The following DYSF variants were observed in gnomAD, a reference collection of about 807,000 sequenced individuals.
DYSF encodes dysferlin.
Under a neutral mutation model 274.9 loss-of-function variants are expected in DYSF, and 212 were observed. The observed-to-expected ratio is 0.77, with a 90% CI of 0.69 to 0.86. The LOEUF is 0.86. DYSF is among the 40% of genes least tolerant of loss of function. The pLI, the probability that DYSF is intolerant of heterozygous loss-of-function variation, is 0.00. For synonymous variants in DYSF, 1,091 were observed against 1,078.7 expected, an observed-to-expected ratio of 1.01 and a Z score of -0.22; for missense variants, 2,666 against 2,783.2, an observed-to-expected ratio of 0.96 and a Z score of 0.95.
At chr2:71,655,032 A>C (rs923859021) in intron 42 of DYSF, among the ~76,000 whole-genome samples, 2 of 152,210 alleles carry the variant, frequency 1.3e-5, no homozygotes, top group Admixed American at 6.5e-5. Context: ...TCAAGGCTGC[A>C]GTGAGCCATG....
intron 26 of DYSF, among the ~76,000 whole-genome samples, chr2:71,569,584 C>G (rs1253401877): frequency 6.6e-6 from 1 of 152,158 alleles, no homozygotes; most frequent in Non-Finnish European, 1.5e-5. Context: ...AGTTGGCCCC[C>G]TTTTCTCTTT....
At chr2:71,676,996 A>C (rs909347856) in intron 52 of DYSF, among the ~76,000 whole-genome samples, 2 of 152,006 alleles carry the variant, frequency 1.3e-5, no homozygotes, top group Non-Finnish European at 2.9e-5. Flanking sequence ...ACCATATTTC[A>C]AATAGAAAAT....
At chr2:71,672,010 G>A (rs1573117176) in intron 51 of DYSF, among the ~76,000 whole-genome samples, 1 of 152,154 alleles carries the variant, frequency 6.6e-6, no homozygotes, top group Admixed American at 6.5e-5. Flanking sequence ...GGAAGGAGAG[G>A]CTCACTGGGA....
In DYSF at chr2:71,513,652, CCAGGGGCAGGGG is replaced by C. The variant is rs780946190; in HGVS notation, c.554-52_554-41del. On this transcript the variant is annotated intron_variant, in intron 6 of 55. Transcript: ENST00000410020. ...GATCTTCTGCCCCCTGGGCTGGGTC[CCAGGGGCAGGGG>C]CAGGGGCAGGGCCAGAGGGATCCAG... 23 of 1,575,062 alleles carry C rather than the reference CCAGGGGCAGGGG, an allele frequency of 1.5e-5. No homozygotes were observed. The South Asian group carries it at 1.7e-4, about 11-fold the overall frequency.
intron 53 of DYSF, among the ~76,000 whole-genome samples, chr2:71,680,343 C>T (rs983447070): frequency 3.3e-5 from 5 of 152,056 alleles, no homozygotes; most frequent in African/African-American, 1.2e-4. Flanking sequence ...AAGACAGGCC[C>T]CCCTTTTACT....
chr2:71,620,110 C>G (rs1443559712), intron 40 of DYSF, among the ~76,000 whole-genome samples: 1 of 152,138 alleles, frequency 6.6e-6, no homozygotes. Flanking sequence ...GGGAACCATG[C>G]CCTGCAGTGT....
rs377704035 is a variant in DYSF at position 71,665,346 on chromosome 2, G to C, written c.5317+42G>C. 184 of 1,613,218 alleles carry C rather than the reference G, an allele frequency of 1.1e-4. 1 individual carries two copies. In the African/African-American group the frequency reaches 2.2e-3, roughly 19 times the overall value. ...CCCCAAACCATGGTGGGCTCTCGCT[G>C]TATCCCTCCCTCTCTCATCAGACCC... On this transcript the variant is annotated intron_variant, in intron 47 of 55. Coordinates refer to ENST00000410020, the MANE Select transcript of DYSF (RefSeq NM_001130987.2).
rs1012723902 is a variant in DYSF, at chr2:71,682,569, C to T, written c.6213C>T (p.Tyr2071=). The change falls in exon 55 of 56, where the codon TAC becomes TAT. Residue 2071 remains tyrosine, a synonymous_variant. Transcript: ENST00000410020. ...DTSFLWFTSP[Y]KTMKFILWRR... The stretch of plus-strand genomic sequence containing the variant: ...CCTTCCTGTGGTTTACCTCCCCATA[C>T]AAGACCATGAAGTTCATCCTGTGGC... 6 of 1,614,002 alleles carry T rather than the reference C, an allele frequency of 3.7e-6. No homozygotes were observed. In the African/African-American group the frequency reaches 5.3e-5, roughly 14 times the overall value.
intron 30 of DYSF, chr2:71,588,647 G>A (rs1454015487): frequency 6.6e-6 from 1 of 152,406 alleles, no homozygotes; most frequent in Non-Finnish European, 1.5e-5. Flanking sequence ...TTTGTGAGAT[G>A]TGGGACTGAA....
At chr2:71,565,649 TG>T (rs905910777) in intron 24 of DYSF, among the ~76,000 whole-genome samples, 1 of 152,228 alleles carries the variant, frequency 6.6e-6, no homozygotes, top group Non-Finnish European at 1.5e-5. Flanking sequence ...TGTTGTCCCC[TG>T]GGGGGTGTGG....
Position 71,553,082 on chromosome 2 carries a change from T to C in DYSF, c.1878T>C (p.Asp626=). 2 of 1,614,200 alleles carry C rather than the reference T, an allele frequency of 1.2e-6. No individual in the cohort carries two copies. The highest frequency in any genetic ancestry group is 1.7e-6 in the Non-Finnish European group (2 of 1,180,038). The stretch of plus-strand genomic sequence containing the variant: ...CAGCCACCATGCTGCAGGATGTGGA[T>C]GATGCCATCCAGTTTGAGGTCAGCA... ...FYSATMLQDV[D]DAIQFEVSIG... is the part of the protein sequence containing the mutation. The change falls in exon 20 of 56, where the codon GAT becomes GAC. Residue 626 remains aspartate, a synonymous_variant. Coordinates refer to ENST00000410020, the MANE Select transcript of DYSF (RefSeq NM_001130987.2).
chr2:71,667,167 T>G (rs944275736), intron 47 of DYSF, among the ~76,000 whole-genome samples: 1 of 152,120 alleles, frequency 6.6e-6, no homozygotes, highest in Non-Finnish European at 1.5e-5. Flanking sequence ...AATCTGGATT[T>G]TAAGCCTGGA....
At chr2:71,556,344 G>A (rs574291554) in intron 22 of DYSF, among the ~76,000 whole-genome samples, 1 of 152,312 alleles carries the variant, frequency 6.6e-6, no homozygotes, top group South Asian at 2.1e-4. Flanking sequence ...TCTGATCCCC[G>A]ACCTCTTATT....
rs146281264 is a variant in DYSF, at chr2:71,537,955, G to T, written c.1494-1202G>T. On this transcript the variant is annotated intron_variant, in intron 16 of 55. Coordinates refer to ENST00000410020, the MANE Select transcript of DYSF (RefSeq NM_001130987.2). The stretch of plus-strand genomic sequence containing the variant: ...CTCAGTGTCTGCATCATTGGCATTT[G>T]GGGCTGGAATATTCTTTGCTGTGGG... Among the ~76,000 whole-genome samples, 391 of 152,300 alleles carry T rather than the reference G, an allele frequency of 2.6e-3. 1 individual carries two copies. Among genetic ancestry groups the T allele is most frequent in the African/African-American group, 9.1e-3 (380 of 41,562 alleles).
rs11688242 is a variant in DYSF, at chr2:71,517,128, T to C, written c.1002+89T>C. On this transcript the variant is annotated intron_variant, in intron 10 of 55. Coordinates refer to ENST00000410020, the MANE Select transcript of DYSF (RefSeq NM_001130987.2). ...GGACCATGGGCAGGGGCTCCAGAGA[T>C]CCTGTGTTTCTCTGCTTTGGGAAAA... is the stretch of plus-strand genomic sequence containing the variant. The C allele has an allele frequency of 0.052, 63,467 of 1,223,836 alleles. 1,936 individuals carry two copies. The highest frequency in any genetic ancestry group is 0.092 in the East Asian group (3,977 of 43,096). The allele number at this position is 1,223,836 out of a possible 1,614,324, so 75.8% of individuals were successfully genotyped here. A position where few individuals can be genotyped will look rare whatever the true frequency, so the allele number is the denominator to read the frequency against.
Position 71,492,703 on chromosome 2 carries a change from C to A in DYSF, c.240-10511C>A, listed in dbSNP as rs887009099. On this transcript the variant is annotated intron_variant, in intron 3 of 55. Coordinates refer to ENST00000410020, the MANE Select transcript of DYSF (RefSeq NM_001130987.2). ...ATTATTATTATCTCCCTTCCTCCCC[C>A]CCCCCCTTTTCTTTCTCTCGTCTCT... is the stretch of plus-strand genomic sequence containing the variant. 5.0e-5 allele frequency among the ~76,000 whole-genome samples: 7 copies of A among 138,896 alleles called. No individual in the cohort carries two copies. In the East Asian group the frequency reaches 7.4e-4, roughly 15 times the overall value. 91.1% of individuals were successfully genotyped at this position (138,896 alleles called of 152,430 possible). A position where few individuals can be genotyped will look rare whatever the true frequency, so the allele number is the denominator to read the frequency against.
At chr2:71,561,640 G>A in intron 22 of DYSF, 112 bp from the exon 23 acceptor site, 1 of 1,302,392 alleles carries the variant, frequency 7.7e-7, no homozygotes, top group Non-Finnish European at 1.1e-6. Context: ...AAGGCACCCA[G>A]CAGGCAGGCG....
Position 71,513,612 on chromosome 2 carries a change from G to A in DYSF, c.554-104G>A, listed in dbSNP as rs963289094. On this transcript the variant is annotated intron_variant, in intron 6 of 55. Transcript: ENST00000410020. ...GAGAGGAAGAGGGGATGAGTCTTAGGGCCCATGCCTTTTGGATCTTCTGCC... is the reference window on the plus strand; with the variant it reads ...GAGAGGAAGAGGGGATGAGTCTTAGAGCCCATGCCTTTTGGATCTTCTGCC... 1.1e-5 allele frequency: 13 copies of A among 1,187,810 alleles called. No individual in the cohort carries two copies. The Admixed American group carries it at 1.2e-4, about 11-fold the overall frequency. The allele number at this position is 1,187,810 out of a possible 1,614,324, so 73.6% of individuals were successfully genotyped here.
At chr2:71,465,270 G>C (rs2081458038), upstream of DYSF, among the ~76,000 whole-genome samples, 3 of 152,154 alleles carry the variant, frequency 2.0e-5, no homozygotes, top group South Asian at 6.2e-4. Flanking sequence ...GTTACCAGTG[G>C]GGAGTACGGG....
Sources: gnomAD v4.1 joint callset for allele counts (sites outside exome capture counted in the v4.1 genomes callset) on GRCh38, gnomAD v4.1.1 for gene constraint, MANE v1.5 for transcripts, NCBI Gene and HGNC (gene_info 2026-07-23, HGNC 2026-07-21) for gene names.